The following PARD3B variants were observed in gnomAD, a reference collection of about 807,000 sequenced individuals.
PARD3B encodes par-3 family cell polarity regulator beta, also known as partitioning defective 3 homolog B.
Under a neutral mutation model 130.2 loss-of-function variants are expected in PARD3B, and 103 were observed. That is an observed-to-expected ratio of 0.79 (90% confidence interval 0.67 to 0.93). The LOEUF (loss-of-function observed/expected upper bound fraction) is 0.93, where lower values mean the gene tolerates loss of function less well. PARD3B is among the 40% of genes least tolerant of loss of function. The pLI, the probability that PARD3B is intolerant of heterozygous loss-of-function variation, is 0.00. For synonymous variants in PARD3B, 583 were observed against 553.2 expected, an observed-to-expected ratio of 1.05 and a Z score of -0.76; for missense variants, 1,609 against 1,499.2, an observed-to-expected ratio of 1.07 and a Z score of -1.21.
At chr2:205,363,265 T>G (rs2044464891) in intron 18 of PARD3B, among the ~76,000 whole-genome samples, 1 of 152,118 alleles carries the variant, frequency 6.6e-6, no homozygotes, top group Admixed American at 6.5e-5. Flanking sequence ...AATTGAGAAC[T>G]GTCCCCAGAA....
At chr2:205,322,811 A>G (rs2042795424) in intron 18 of PARD3B, among the ~76,000 whole-genome samples, 1 of 151,468 alleles carries the variant, frequency 6.6e-6, no homozygotes, top group South Asian at 2.1e-4. Flanking sequence ...CATGTAAAAT[A>G]TAATACAACT....
intron 2 of PARD3B, among the ~76,000 whole-genome samples, chr2:204,758,333 G>A (rs1011817): frequency 0.61 from 92,207 of 151,970 alleles, 31,543 homozygotes; most frequent in South Asian, 0.77. Flanking sequence ...CCTAAGGCAT[G>A]TTTCACTGGG....
intron 1 of PARD3B, among the ~76,000 whole-genome samples, chr2:204,564,285 TC>T (rs2031539186): frequency 6.6e-6 from 1 of 152,176 alleles, no homozygotes; most frequent in Non-Finnish European, 1.5e-5. Flanking sequence ...CAGATGAGTT[TC>T]CTGGGCACTC....
At chr2:204,648,215 T>G (rs80135969) in intron 1 of PARD3B, among the ~76,000 whole-genome samples, 6,500 of 151,606 alleles carry the variant, frequency 0.043, 312 homozygotes, top group East Asian at 0.13. Context: ...TCATGAGAAT[T>G]TAATCTCATT....
intron 21 of PARD3B, among the ~76,000 whole-genome samples, chr2:205,542,354 T>TTGTGTG (rs143438143): frequency 0.27 from 39,626 of 144,892 alleles, 6,049 homozygotes; most frequent in Admixed American, 0.41. Context: ...TAGTTTGTGT[T>TTGTGTG]TGTGTGTGTG....
intron 21 of PARD3B, among the ~76,000 whole-genome samples, chr2:205,520,385 C>G (rs1003092461): frequency 6.6e-6 from 1 of 152,070 alleles, no homozygotes; most frequent in African/African-American, 2.4e-5. Flanking sequence ...GTTCTTTGCT[C>G]CTTCATCAGT....
rs1430184791 is a variant in PARD3B at position 205,146,672 on chromosome 2, A to C, written c.1435-12050A>C. Reference sequence around the variant, plus strand: ...CCTCAAAAAAAAAAATTGTTACATCATATTGTTTGTTCCTGAATCTTATGT... The same window carrying C: ...CCTCAAAAAAAAAAATTGTTACATCCTATTGTTTGTTCCTGAATCTTATGT... On this transcript the variant is annotated intron_variant, in intron 10 of 22. Coordinates refer to ENST00000406610, the MANE Select transcript of PARD3B (RefSeq NM_001302769.2). The surrounding 1 kb of genome is among the most constrained non-coding windows in gnomAD (Gnocchi z 4.3). 6.6e-6 allele frequency among the ~76,000 whole-genome samples: 1 copy of C among 151,924 alleles called. No homozygotes were observed. The highest frequency in any genetic ancestry group is 2.4e-5 in the African/African-American group (1 of 41,378).
At chr2:204,570,841 C>G (rs111988978) in intron 1 of PARD3B, among the ~76,000 whole-genome samples, 2 of 107,104 alleles carry the variant, frequency 1.9e-5, no homozygotes, top group Non-Finnish European at 3.9e-5. Context: ...TAAGCTGTTG[C>G]AACTGAGGTG....
intron 2 of PARD3B, among the ~76,000 whole-genome samples, chr2:204,782,512 G>C (rs899964736): frequency 7.4e-5 from 11 of 149,624 alleles, no homozygotes; most frequent in African/African-American, 2.7e-4. Flanking sequence ...ATGTTATATA[G>C]TATGTATGTA....
intron 2 of PARD3B, among the ~76,000 whole-genome samples, chr2:204,713,827 G>A: frequency 1.8e-5 from 1 of 55,542 alleles, no homozygotes; most frequent in Non-Finnish European, 4.4e-5. Flanking sequence ...TTCAAGGGTT[G>A]CCTTGTGTTT....
At chr2:204,847,094 C>T (rs2044491937) in intron 2 of PARD3B, among the ~76,000 whole-genome samples, 1 of 151,766 alleles carries the variant, frequency 6.6e-6, no homozygotes, top group African/African-American at 2.4e-5. Flanking sequence ...TTTCTATATC[C>T]TGAAACTATA....
intron 5 of PARD3B, among the ~76,000 whole-genome samples, chr2:205,106,683 T>C (rs1037979650): frequency 6.6e-6 from 1 of 152,148 alleles, no homozygotes; most frequent in African/African-American, 2.4e-5. Flanking sequence ...AACATTCCTG[T>C]TGCGTGTACA....
At chr2:204,697,277 G>A (rs1177540101) in intron 2 of PARD3B, among the ~76,000 whole-genome samples, 1 of 152,042 alleles carries the variant, frequency 6.6e-6, no homozygotes, top group Non-Finnish European at 1.5e-5. Flanking sequence ...ACTTGGAAAT[G>A]GAAGTACCTA....
rs2051307685 is a variant in PARD3B, at chr2:205,525,748, G to C, written c.3180+25717G>C. Among the ~76,000 whole-genome samples the C allele has an allele frequency of 6.6e-6, 1 of 152,076 alleles. No individual in the cohort carries two copies. Among genetic ancestry groups the C allele is most frequent in the Non-Finnish European group, 1.5e-5 (1 of 68,014 alleles). ...GAACTAATACTCACCCTTCATTTTG[G>C]TGACAAGTCCAGCTCAATGAGAATC... On this transcript the variant is annotated intron_variant, in intron 21 of 22. Transcript: ENST00000406610. This position sits in a 1 kb window ranked among gnomAD's most constrained non-coding sequence, Gnocchi z 4.2.
In PARD3B at chr2:205,568,812, TG is replaced by T. The variant is rs2053457923; in HGVS notation, c.3260+15410del. 6.6e-6 allele frequency among the ~76,000 whole-genome samples: 1 copy of T among 152,210 alleles called. No individual in the cohort carries two copies. The highest frequency in any genetic ancestry group is 1.5e-5 in the Non-Finnish European group (1 of 68,038). On this transcript the variant is annotated intron_variant, in intron 22 of 22. Coordinates refer to ENST00000406610, the MANE Select transcript of PARD3B (RefSeq NM_001302769.2). The surrounding 1 kb of genome is among the most constrained non-coding windows in gnomAD (Gnocchi z 5.3). Reference sequence around the variant, plus strand: ...GGCCTTCATGCTAAGACACTAGCGCTGTATCTATGAAGCCTGTAAAACTGGA... The same window carrying T: ...GGCCTTCATGCTAAGACACTAGCGCTTATCTATGAAGCCTGTAAAACTGGA...
chr2:205,106,543 C>A (rs1160893365), intron 5 of PARD3B, among the ~76,000 whole-genome samples: 1 of 148,206 alleles, frequency 6.7e-6, no homozygotes, highest in Non-Finnish European at 1.5e-5. Flanking sequence ...ATTTGATTAT[C>A]AAAACGGGCT....
intron 16 of PARD3B, among the ~76,000 whole-genome samples, chr2:205,275,444 G>C (rs2040901673): frequency 1.3e-5 from 2 of 152,144 alleles, no homozygotes; most frequent in Admixed American, 1.3e-4. Flanking sequence ...ACCCAAAAGA[G>C]TTGATAATGA....
chr2:205,479,773 C>T (rs1298631116), intron 20 of PARD3B, among the ~76,000 whole-genome samples: 1 of 152,174 alleles, frequency 6.6e-6, no homozygotes, highest in Non-Finnish European at 1.5e-5. Context: ...TCATTTTACT[C>T]AGAGTCAAAT....
intron 18 of PARD3B, among the ~76,000 whole-genome samples, chr2:205,330,502 G>A (rs2043084593): frequency 6.6e-6 from 1 of 152,210 alleles, no homozygotes; most frequent in Non-Finnish European, 1.5e-5. Flanking sequence ...CATAGGCTGA[G>A]GCAACTATAG....
Sources: gnomAD v4.1 joint callset for allele counts (sites outside exome capture counted in the v4.1 genomes callset) on GRCh38, gnomAD v4.1.1 for gene constraint, Gnocchi (gnomAD v3.1) non-coding constraint, MANE v1.5 for transcripts, NCBI Gene and HGNC (gene_info 2026-07-23, HGNC 2026-07-21) for gene names.